The following PRR5L variants were observed in gnomAD, a reference collection of about 807,000 sequenced individuals.
PRR5L encodes proline-rich protein 5-like.
PRR5L carries 21 observed loss-of-function variants against 36.4 expected under a neutral mutation model. The ratio of observed to expected loss-of-function variants is 0.58; its 90% CI spans 0.41 to 0.83. The LOEUF is 0.83. Ranked by LOEUF, PRR5L falls within the 40% of genes least tolerant of loss-of-function variation. PRR5L has a pLI of 0.00. For synonymous variants in PRR5L, 188 were observed against 197.0 expected (o/e 0.95, Z 0.38); for missense variants, 381 against 473.3 (o/e 0.80, Z 1.81).
rs138640144 is a variant in PRR5L at position 36,453,310 on chromosome 11, A to G, written c.712+1975A>G. On this transcript the variant is annotated intron_variant, in intron 8 of 8. Coordinates refer to ENST00000530639, the MANE Select transcript of PRR5L (RefSeq NM_001160167.2). ...ATAAATCCTTATGCCCAAGAGGCAT[A>G]TTTTGTGGTGGCATATTTTGGTGTC... 2.6e-4 allele frequency among the ~76,000 whole-genome samples: 39 copies of G among 152,314 alleles called. 1 individual carries two copies. The highest frequency in any genetic ancestry group is 9.4e-4 in the African/African-American group (39 of 41,558).
Position 36,376,392 on chromosome 11 carries a change from A to G in PRR5L, c.-125-24605A>G, listed in dbSNP as rs541112278. On this transcript the variant is annotated intron_variant, in intron 1 of 8. Transcript: ENST00000530639. ...GAGGAGGAGGCGGCCGTAAGATGAG[A>G]GAGGAGGGAAACGTGTCACCAGCCC... 3.1e-4 allele frequency: 354 copies of G among 1,153,216 alleles called. 2 individuals are homozygous for G. The African/African-American group carries it at 5.4e-3, about 18-fold the overall frequency. The allele number at this position is 1,153,216 out of a possible 1,614,324, so 71.4% of individuals were successfully genotyped here. A position where few individuals can be genotyped will look rare whatever the true frequency, so the allele number is the denominator to read the frequency against.
chr11:36,349,616 C>G (rs1193995187), intron 1 of PRR5L, among the ~76,000 whole-genome samples: 1 of 152,200 alleles, frequency 6.6e-6, no homozygotes, highest in African/African-American at 2.4e-5. Context: ...AACAATGAGC[C>G]TACCCCAGCC....
intron 1 of PRR5L, among the ~76,000 whole-genome samples, chr11:36,359,908 G>C (rs989661338): frequency 1.3e-5 from 2 of 152,128 alleles, no homozygotes; most frequent in South Asian, 4.2e-4. Context: ...ATGGTGATGC[G>C]CGCCTGTAGT....
intron 3 of PRR5L, among the ~76,000 whole-genome samples, chr11:36,403,579 C>A (rs1264883559): frequency 6.6e-6 from 1 of 151,288 alleles, no homozygotes; most frequent in Non-Finnish European, 1.5e-5. Flanking sequence ...CATAGAGAAT[C>A]ATTTGTTCAG....
intron 4 of PRR5L, chr11:36,425,649 C>A (rs757779295): frequency 6.6e-6 from 1 of 152,176 alleles, no homozygotes; most frequent in Non-Finnish European, 1.5e-5. Context: ...GGGGACTTCT[C>A]GCGGGTCTCA....
At chr11:36,347,094 A>G (rs865874600) in intron 1 of PRR5L, among the ~76,000 whole-genome samples, 1 of 152,248 alleles carries the variant, frequency 6.6e-6, no homozygotes, top group African/African-American at 2.4e-5. Context: ...TGTGTTTTAT[A>G]AGAATAGGCT....
chr11:36,431,888 G>A lies in PRR5L; in HGVS notation c.330G>A (p.Glu110=), dbSNP rs1858504849. 1.2e-6 allele frequency: 2 copies of A among 1,614,132 alleles called. No individual in the cohort carries two copies. The highest frequency in any genetic ancestry group is 1.7e-6 in the Non-Finnish European group (2 of 1,180,006). ...QLLAKGLFFV[E]EKIKLCEGEN... ...TTGCAAAAGGACTGTTCTTTGTGGA[G>A]GAGAAGATCAAGCTGTGTGAAGGCA... The change falls in exon 5 of 9, where the codon GAG becomes GAA. Residue 110 remains glutamate (E), a synonymous_variant. Transcript: ENST00000530639.
chr11:36,438,970 T>C (rs1323278414), intron 6 of PRR5L, among the ~76,000 whole-genome samples: 5 of 152,174 alleles, frequency 3.3e-5, no homozygotes, highest in Non-Finnish European at 7.3e-5. Flanking sequence ...TGAGTTATAT[T>C]TGAATTGCAT....
At chr11:36,355,301 G>A (rs1857014113) in intron 1 of PRR5L, among the ~76,000 whole-genome samples, 1 of 152,146 alleles carries the variant, frequency 6.6e-6, no homozygotes, top group African/African-American at 2.4e-5. Context: ...ATCTCTTCTT[G>A]TTCTCCTTGG....
At chr11:36,419,379 G>T in intron 4 of PRR5L, 76 bp downstream of exon 4, 1 of 1,265,340 alleles carries the variant, frequency 7.9e-7, no homozygotes. Flanking sequence ...GGCCAATACT[G>T]TACAGTTGGA....
chr11:36,302,137 C>G (rs544603387), intron 1 of PRR5L, among the ~76,000 whole-genome samples: 1 of 152,066 alleles, frequency 6.6e-6, no homozygotes, highest in Non-Finnish European at 1.5e-5. Flanking sequence ...AAGTAGCAAG[C>G]GCATTGATGG....
chr11:36,354,699 T>C (rs1177791601), intron 1 of PRR5L, among the ~76,000 whole-genome samples: 1 of 152,246 alleles, frequency 6.6e-6, no homozygotes, highest in Non-Finnish European at 1.5e-5. Flanking sequence ...TGATGATACA[T>C]ATTAAATACT....
At chr11:36,349,199 G>A (rs1486928107) in intron 1 of PRR5L, among the ~76,000 whole-genome samples, 1 of 148,930 alleles carries the variant, frequency 6.7e-6, no homozygotes, top group Non-Finnish European at 1.5e-5. Context: ...CAGGAGAATA[G>A]CTTGAACCCG....
At chr11:36,370,931 A>C (rs1054679905) in intron 1 of PRR5L, among the ~76,000 whole-genome samples, 8 of 152,056 alleles carry the variant, frequency 5.3e-5, no homozygotes, top group Non-Finnish European at 1.2e-4. Context: ...AAACAAGAAG[A>C]AAATTATCCA....
chr11:36,392,125 T>C (rs1030962389), intron 1 of PRR5L, among the ~76,000 whole-genome samples: 1 of 152,214 alleles, frequency 6.6e-6, no homozygotes, highest in South Asian at 2.1e-4. Flanking sequence ...GTTCCACCCA[T>C]GTTGTTGCAA....
intron 1 of PRR5L, among the ~76,000 whole-genome samples, chr11:36,358,170 G>T (rs1159474345): frequency 6.6e-6 from 1 of 152,224 alleles, no homozygotes. Context: ...CATAAATTTA[G>T]TTGATAAAGC....
chr11:36,355,672 C>A (rs1857019175), intron 1 of PRR5L, among the ~76,000 whole-genome samples: 1 of 151,358 alleles, frequency 6.6e-6, no homozygotes, highest in Non-Finnish European at 1.5e-5. Flanking sequence ...GCCTCAGCCT[C>A]CCAAGTAGCT....
rs111308922 is a variant in PRR5L, at chr11:36,317,576, G to C, written c.-126+21138G>C. Among the ~76,000 whole-genome samples, 829 of 152,318 alleles carry C rather than the reference G, an allele frequency of 5.4e-3. 3 individuals carry two copies. The highest frequency in any genetic ancestry group is 9.2e-3 in the Non-Finnish European group (627 of 68,032). On this transcript the variant is annotated intron_variant, in intron 1 of 8. Coordinates refer to ENST00000530639, the MANE Select transcript of PRR5L (RefSeq NM_001160167.2). ...GTTTGTGTTCGGAGTTATTTGACTA[G>C]TTCCATAATATGCCTAGGAGTAGAA... is the stretch of plus-strand genomic sequence containing the variant.
chr11:36,357,554 A>G (rs1857040798), intron 1 of PRR5L, among the ~76,000 whole-genome samples: 1 of 152,194 alleles, frequency 6.6e-6, no homozygotes, highest in South Asian at 2.1e-4. Context: ...GTCAGTCCTC[A>G]TTTACCTTTT....
Sources: gnomAD v4.1 joint callset for allele counts (sites outside exome capture counted in the v4.1 genomes callset) on GRCh38, gnomAD v4.1.1 for gene constraint, MANE v1.5 for transcripts, NCBI Gene and HGNC (gene_info 2026-07-23, HGNC 2026-07-21) for gene names.